ITGB5: variants seen among roughly 807,000 people sequenced by gnomAD.
ITGB5 encodes the protein integrin subunit beta 5, also known as integrin beta-5.
Under a neutral mutation model 84.8 loss-of-function variants are expected in ITGB5, and 38 were observed. The ratio of observed to expected loss-of-function variants is 0.45; its 90% CI spans 0.35 to 0.59. The LOEUF (loss-of-function observed/expected upper bound fraction) is 0.59. ITGB5 is among the 20% of genes least tolerant of loss of function. ITGB5 has a pLI of 0.01. For synonymous variants in ITGB5, 393 were observed against 414.4 expected, an observed-to-expected ratio of 0.95 and a Z score of 0.63; for missense variants, 905 against 1,034.5, an observed-to-expected ratio of 0.87 and a Z score of 1.72.
intron 8 of ITGB5, among the ~76,000 whole-genome samples, chr3:124,814,917 G>C (rs941538587): frequency 1.3e-5 from 2 of 152,052 alleles, no homozygotes; most frequent in African/African-American, 4.8e-5. Flanking sequence ...AGCAGCTCCA[G>C]CCCAGAACAA....
chr3:124,892,362 C>T (rs1935017446), upstream of ITGB5, among the ~76,000 whole-genome samples: 1 of 151,134 alleles, frequency 6.6e-6, no homozygotes, highest in Non-Finnish European at 1.5e-5. Flanking sequence ...GGTGAATGTA[C>T]TTAATGCCAC....
At position 124,797,847 on chromosome 3, in the gene ITGB5, C is replaced by T. The variant is rs183209996; in HGVS notation, c.1264-1030G>A. Among the ~76,000 whole-genome samples, 476 of 152,156 alleles carry T rather than the reference C, an allele frequency of 3.1e-3. 4 individuals carry two copies. Among genetic ancestry groups the T allele is most frequent in the African/African-American group, 0.011 (455 of 41,516 alleles). On this transcript the variant is annotated intron_variant, in intron 9 of 14. Coordinates refer to ENST00000296181, the MANE Select transcript of ITGB5 (RefSeq NM_002213.5). ...TGGCCAGTGTGCCCTGATGAAATGC[C>T]GTTGTAAAGTTTTACTCAGGGGTGG...
At chr3:124,787,177 G>A (rs1214010805) in intron 10 of ITGB5, among the ~76,000 whole-genome samples, 1 of 152,196 alleles carries the variant, frequency 6.6e-6, no homozygotes, top group Non-Finnish European at 1.5e-5. Context: ...ACGGGGTTCT[G>A]TTGGCAAACT....
At chr3:124,893,276 C>T (rs535090366) in intron 1 of ITGB5, among the ~76,000 whole-genome samples, 66 of 152,128 alleles carry the variant, frequency 4.3e-4, no homozygotes, top group Non-Finnish European at 6.6e-4. Flanking sequence ...GATGTGGTGG[C>T]GTGCTCCTGT....
Position 124,898,675 on chromosome 3 carries a change from A to ATGAC in ITGB5, c.-255+2587_-255+2590dup, listed in dbSNP as rs1349625182. On this transcript the variant is annotated intron_variant, in intron 1 of 4. Coordinates refer to the ITGB5 transcript ENST00000608657. Reference sequence around the variant, plus strand: ...AAAAAAAAAAAAAAAAAAAAAGAAAATGACAGCACTTTGGGAGGTTGAAGC... The same window carrying ATGAC: ...AAAAAAAAAAAAAAAAAAAAAGAAAATGACTGACAGCACTTTGGGAGGTTGAAGC... Among the ~76,000 whole-genome samples, 3 of 147,166 alleles carry ATGAC rather than the reference A, an allele frequency of 2.0e-5. No homozygotes were observed. The East Asian group carries it at 5.9e-4, about 29-fold the overall frequency.
chr3:124,872,077 G>C, intron 2 of ITGB5, among the ~76,000 whole-genome samples: 1 of 152,098 alleles, frequency 6.6e-6, no homozygotes, highest in South Asian at 2.1e-4. Context: ...AGGTCATAGA[G>C]AACGAAAGGA....
chr3:124,850,144 A>T (rs2107605699), intron 3 of ITGB5, among the ~76,000 whole-genome samples: 1 of 152,164 alleles, frequency 6.6e-6, no homozygotes, highest in East Asian at 1.9e-4. Context: ...CAGGGAACTC[A>T]ATCCTCTATG....
chr3:124,821,296 T>G lies in ITGB5; in HGVS notation c.942+17A>C, dbSNP rs781065332. Reference sequence around the variant, plus strand: ...AGAGAGGCAACAGGGAGGGGGGATCTGGTTCCCGGCACTCACCATCTGGTT... The same window carrying G: ...AGAGAGGCAACAGGGAGGGGGGATCGGGTTCCCGGCACTCACCATCTGGTT... On this transcript the variant is annotated intron_variant, in intron 6 of 14. Transcript: ENST00000296181. The G allele has an allele frequency of 6.2e-7, 1 of 1,604,878 alleles. No homozygotes were observed. Among genetic ancestry groups the G allele is most frequent in the Non-Finnish European group, 8.5e-7 (1 of 1,175,324 alleles).
chr3:124,798,278 C>T (rs1294539142), intron 9 of ITGB5, among the ~76,000 whole-genome samples: 1 of 151,550 alleles, frequency 6.6e-6, no homozygotes, highest in Non-Finnish European at 1.5e-5. Context: ...GTCTCCATCT[C>T]CTGACCTCGT....
chr3:124,766,304 C>A lies in ITGB5; in HGVS notation c.2059G>T (p.Ala687Ser), dbSNP rs201353553. The A allele has an allele frequency of 1.2e-6, 2 of 1,613,938 alleles. No homozygotes were observed. Among genetic ancestry groups the A allele is most frequent in the South Asian group, 1.1e-5 (1 of 91,058 alleles). ...QEAVLCFYKT[A>S]KDCVMMFTYV... The stretch of plus-strand genomic sequence containing the variant: ...GTGAACATCATGACGCAGTCCTTGG[C>A]GGTTTTGTAGAAACATAGCACAGCC... Residue 687 changes from alanine to serine, a missense_variant, in exon 13 of 15, where the codon GCC (alanine) becomes TCC (serine). Around this residue, in one of 3 missense-constraint regions of ITGB5, gnomAD observed 116 missense variants for 177.0 expected, o/e 0.66. Coordinates refer to ENST00000296181, the MANE Select transcript of ITGB5 (RefSeq NM_002213.5).
At chr3:124,796,049 C>T (rs1425265642) in intron 10 of ITGB5, among the ~76,000 whole-genome samples, 1 of 152,188 alleles carries the variant, frequency 6.6e-6, no homozygotes, top group Non-Finnish European at 1.5e-5. Flanking sequence ...AGTGAGTTCC[C>T]CGTCCCAGGA....
At chr3:124,775,519 A>ACAAT (rs1553753842) in intron 10 of ITGB5, among the ~76,000 whole-genome samples, 3 of 152,180 alleles carry the variant, frequency 2.0e-5, no homozygotes, top group Non-Finnish European at 4.4e-5. Flanking sequence ...CATTTTCTAC[A>ACAAT]CAATCAGAGG....
intron 9 of ITGB5, among the ~76,000 whole-genome samples, chr3:124,808,751 G>A (rs908554616): frequency 1.3e-5 from 2 of 152,142 alleles, no homozygotes; most frequent in African/African-American, 4.8e-5. Flanking sequence ...AGAGGATAAT[G>A]GTTTAAAACA....
At chr3:124,823,896 C>T (rs1352954688) in intron 5 of ITGB5, among the ~76,000 whole-genome samples, 1 of 152,056 alleles carries the variant, frequency 6.6e-6, no homozygotes, top group Non-Finnish European at 1.5e-5. Flanking sequence ...AGAAAACCAA[C>T]TTTTAATTTG....
Position 124,764,513 on chromosome 3 carries a change from C to A in ITGB5, c.2182G>T (p.Val728Phe), listed in dbSNP as rs1258381340. ...AGCCCAACAAGGAGGATGCTACCGA[C>A]CACAGCCAGGAGGATGGTCATGGCG... Reference protein sequence around the residue: ...PNAMTILLAVVGSILLVGLAL... With the variant: ...PNAMTILLAVFGSILLVGLAL... The change falls in exon 14 of 15, where the codon GTC becomes TTC. Residue 728 changes from valine to phenylalanine, a missense_variant. Physicochemically the swap from Val to Phe is conservative, Grantham distance 50 (BLOSUM62 -1). Transcript: ENST00000296181. The A allele has an allele frequency of 2.8e-5, 45 of 1,613,844 alleles. No individual in the cohort carries two copies. Among genetic ancestry groups the A allele is most frequent in the Non-Finnish European group, 3.6e-5 (43 of 1,179,922 alleles).
At chr3:124,781,962 A>G (rs2064011728) in intron 10 of ITGB5, among the ~76,000 whole-genome samples, 1 of 152,162 alleles carries the variant, frequency 6.6e-6, no homozygotes, top group African/African-American at 2.4e-5. Flanking sequence ...TGCCTTGTCT[A>G]TCTTATAGGA....
chr3:124,825,914 G>A (rs1261395695), intron 5 of ITGB5, among the ~76,000 whole-genome samples: 1 of 152,106 alleles, frequency 6.6e-6, no homozygotes, highest in Non-Finnish European at 1.5e-5. Context: ...AAAGGGAAAG[G>A]CATGAATATC....
At chr3:124,876,616 G>A (rs1033484537) in intron 1 of ITGB5, among the ~76,000 whole-genome samples, 2 of 152,196 alleles carry the variant, frequency 1.3e-5, no homozygotes, top group Admixed American at 1.3e-4. Flanking sequence ...GGGAGAAACA[G>A]GCAGAAGCTG....
Position 124,762,215 on chromosome 3 carries a change from T to C in ITGB5, c.*1408A>G, listed in dbSNP as rs1379921262. On this transcript the variant is annotated 3_prime_UTR_variant, in exon 15 of 15. Coordinates refer to ENST00000296181, the MANE Select transcript of ITGB5 (RefSeq NM_002213.5). ...CCAAAATGAAGTAAGGGGAATTGGG[T>C]CCAGAGCTGAGGACAGATCCATTTG... The C allele has an allele frequency of 6.6e-6, 1 of 152,158 alleles. No homozygotes were observed. The highest frequency in any genetic ancestry group is 1.5e-5 in the Non-Finnish European group (1 of 68,032). The allele number at this position is 152,158 out of a possible 1,614,324, so 9.4% of individuals were successfully genotyped here.
Sources: gnomAD v4.1 joint callset for allele counts (sites outside exome capture counted in the v4.1 genomes callset) on GRCh38, gnomAD v4.1.1 for gene constraint, gnomAD v4.1.1 regional missense constraint, MANE v1.5 for transcripts, NCBI Gene and HGNC (gene_info 2026-07-23, HGNC 2026-07-21) for gene names.